Variants in LDLRAD4 observed in about 807,000 individuals in gnomAD.
The protein encoded by LDLRAD4 is low-density lipoprotein receptor class A domain-containing protein 4.
LDLRAD4 carries 5 observed loss-of-function variants against 17.0 expected under a neutral mutation model. That is an observed-to-expected ratio of 0.29 (90% CI 0.15 to 0.62). LDLRAD4 has a LOEUF of 0.62. LDLRAD4 is among the 20% of genes least tolerant of loss of function. The pLI is 0.84. For synonymous variants in LDLRAD4, 168 were observed against 171.8 expected (o/e 0.98, Z 0.17); for missense variants, 340 against 424.7 (o/e 0.80, Z 1.75).
At chr18:13,243,244 C>A (rs1303705887) in intron 1 of LDLRAD4, among the ~76,000 whole-genome samples, 1 of 152,216 alleles carries the variant, frequency 6.6e-6, no homozygotes, top group African/African-American at 2.4e-5. Context: ...AGCCAAGGAG[C>A]TGAGTTGTCC....
chr18:13,630,600 CCAG>C (rs2148887433), intron 4 of LDLRAD4, among the ~76,000 whole-genome samples: 1 of 152,238 alleles, frequency 6.6e-6, no homozygotes, highest in South Asian at 2.1e-4. Flanking sequence ...ATCAGAATAC[CCAG>C]CAGTAGTCTT....
At chr18:13,587,235 A>G (rs778897725) in intron 3 of LDLRAD4, among the ~76,000 whole-genome samples, 12 of 152,156 alleles carry the variant, frequency 7.9e-5, no homozygotes, top group Non-Finnish European at 1.6e-4. Context: ...TTCCCAGGTG[A>G]TGCTGATGCT....
At chr18:13,636,204 G>C (rs1287305966) in intron 4 of LDLRAD4, among the ~76,000 whole-genome samples, 1 of 152,048 alleles carries the variant, frequency 6.6e-6, no homozygotes, top group Non-Finnish European at 1.5e-5. Flanking sequence ...TTGGTTCTAG[G>C]ACCTCCAAAT....
At chr18:13,461,195 C>T (rs1334647679) in intron 3 of LDLRAD4, 1 of 152,438 alleles carries the variant, frequency 6.6e-6, no homozygotes, top group African/African-American at 2.4e-5. Flanking sequence ...TGTGTCCACG[C>T]GTGCTGGGCT....
chr18:13,246,280 C>T (rs903993053), intron 1 of LDLRAD4, among the ~76,000 whole-genome samples: 5 of 152,216 alleles, frequency 3.3e-5, no homozygotes, highest in Non-Finnish European at 7.3e-5. Flanking sequence ...CATGCTGAGA[C>T]TGCACTGTGC....
At chr18:13,545,504 T>G (rs1267751168) in intron 3 of LDLRAD4, among the ~76,000 whole-genome samples, 1 of 152,124 alleles carries the variant, frequency 6.6e-6, no homozygotes, top group African/African-American at 2.4e-5. Context: ...AGAATCATCC[T>G]GTGTCATCTT....
chr18:13,536,713 A>T (rs1482436497), intron 3 of LDLRAD4, among the ~76,000 whole-genome samples: 1 of 152,176 alleles, frequency 6.6e-6, no homozygotes, highest in Non-Finnish European at 1.5e-5. Flanking sequence ...ATGTAAGATA[A>T]AAAGCAAGAG....
At chr18:13,303,188 C>T (rs1003624696) in intron 1 of LDLRAD4, among the ~76,000 whole-genome samples, 5 of 152,218 alleles carry the variant, frequency 3.3e-5, no homozygotes, top group South Asian at 2.1e-4. Context: ...GCCTAGACCC[C>T]GGCCCAGATG....
chr18:13,521,738 G>C (rs750659162), intron 3 of LDLRAD4: 1 of 151,762 alleles, frequency 6.6e-6, no homozygotes, highest in Non-Finnish European at 1.5e-5. Flanking sequence ...CTCTGTTTTG[G>C]CATACAAAAA....
chr18:13,444,451 GT>G (rs770724597), intron 3 of LDLRAD4, among the ~76,000 whole-genome samples: 47 of 152,210 alleles, frequency 3.1e-4, no homozygotes, highest in Non-Finnish European at 5.3e-4. Flanking sequence ...TACAAAATGT[GT>G]GTTAATCGAC....
intron 1 of LDLRAD4, among the ~76,000 whole-genome samples, chr18:13,351,470 A>G (rs2083031836): frequency 1.3e-5 from 2 of 152,148 alleles, no homozygotes; most frequent in Admixed American, 1.3e-4. Context: ...ATTTTTGCAC[A>G]TTGATTTTGT....
intron 2 of LDLRAD4, among the ~76,000 whole-genome samples, chr18:13,421,991 G>A (rs956131279): frequency 5.3e-5 from 8 of 152,240 alleles, no homozygotes; most frequent in Non-Finnish European, 1.0e-4. Context: ...TGCTTCTGAT[G>A]CTCATTACAC....
Position 13,622,802 on chromosome 18 carries a change from G to A in LDLRAD4, c.336+1531G>A, listed in dbSNP as rs1381866994. On this transcript the variant is annotated intron_variant, in intron 4 of 5. Coordinates refer to ENST00000359446, the Ensembl canonical transcript of LDLRAD4. The surrounding 1 kb of genome is among the most constrained non-coding windows in gnomAD (Gnocchi z 5.3). Reference sequence around the variant, plus strand: ...CAGAAGGCTCAGACATCGCTGCTTTGCCTTAATGTATTACGGGCTGTGAAC... The same window carrying A: ...CAGAAGGCTCAGACATCGCTGCTTTACCTTAATGTATTACGGGCTGTGAAC... Among the ~76,000 whole-genome samples the A allele has an allele frequency of 6.6e-6, 1 of 152,214 alleles. No individual in the cohort carries two copies. The highest frequency in any genetic ancestry group is 1.9e-4 in the East Asian group (1 of 5,198).
chr18:13,419,187 T>C (rs2089219227), intron 2 of LDLRAD4, among the ~76,000 whole-genome samples: 1 of 152,206 alleles, frequency 6.6e-6, no homozygotes, highest in Non-Finnish European at 1.5e-5. Context: ...CAGTTGGGGA[T>C]CCACATAGGT....
intron 2 of LDLRAD4, among the ~76,000 whole-genome samples, chr18:13,396,727 C>A (rs1263127839): frequency 1.3e-5 from 2 of 152,206 alleles, no homozygotes; most frequent in Non-Finnish European, 1.5e-5. Flanking sequence ...AAGCGATCCT[C>A]CTGCCTTGGC....
intron 3 of LDLRAD4, among the ~76,000 whole-genome samples, chr18:13,439,907 T>G (rs2090917051): frequency 6.6e-6 from 1 of 152,156 alleles, no homozygotes; most frequent in African/African-American, 2.4e-5. Flanking sequence ...ATCTCCACAA[T>G]GGGGACATAA....
intron 1 of LDLRAD4, among the ~76,000 whole-genome samples, chr18:13,378,155 T>C (rs1372125707): frequency 6.6e-6 from 1 of 152,158 alleles, no homozygotes; most frequent in Non-Finnish European, 1.5e-5. Context: ...TAGGGAACAT[T>C]GGCTGTTATA....
intron 3 of LDLRAD4, among the ~76,000 whole-genome samples, chr18:13,553,848 A>G (rs538262118): frequency 3.9e-5 from 6 of 152,250 alleles, no homozygotes; most frequent in Non-Finnish European, 5.9e-5. Context: ...GAGCGTGTCT[A>G]TGACCTAGGA....
intron 4 of LDLRAD4, among the ~76,000 whole-genome samples, chr18:13,632,525 G>A (rs1273726366): frequency 6.6e-6 from 1 of 152,236 alleles, no homozygotes; most frequent in Non-Finnish European, 1.5e-5. Flanking sequence ...AGGGGAATGT[G>A]ATGGTACCCG....
Sources: allele counts gnomAD v4.1 joint callset (sites outside exome capture counted in the v4.1 genomes callset), GRCh38; gene constraint gnomAD v4.1.1; non-coding constraint Gnocchi (gnomAD v3.1); transcripts MANE v1.5; gene names NCBI Gene and HGNC (gene_info 2026-07-23, HGNC 2026-07-21).